The following ALG6 variants were observed in gnomAD, a reference collection of about 807,000 sequenced individuals.
ALG6 encodes dolichyl pyrophosphate Man9GlcNAc2 alpha-1,3-glucosyltransferase.
Under a neutral mutation model 66.6 loss-of-function variants are expected in ALG6, and 46 were observed. That is an observed-to-expected ratio of 0.69 (90% CI 0.55 to 0.88). The LOEUF (loss-of-function observed/expected upper bound fraction) is 0.88, where lower values mean the gene tolerates loss of function less well. Ranked by LOEUF, ALG6 falls within the 40% of genes least tolerant of loss-of-function variation. The pLI, the probability that ALG6 is intolerant of heterozygous loss-of-function variation, is 0.00. For synonymous variants in ALG6, 185 were observed against 203.7 expected, an observed-to-expected ratio of 0.91 and a Z score of 0.78; for missense variants, 505 against 586.8, an observed-to-expected ratio of 0.86 and a Z score of 1.44.
At chr1:63,419,596 T>C (rs1382033348) in intron 12 of ALG6, among the ~76,000 whole-genome samples, 156 bp downstream of exon 12, 1 of 152,212 alleles carries the variant, frequency 6.6e-6, no homozygotes, top group Non-Finnish European at 1.5e-5. Flanking sequence ...GAATTTTTGA[T>C]TTTCTTTATA....
rs370686062 is a variant in ALG6 at position 63,419,483 on chromosome 1, A to T, written c.1058+43A>T. ...AAATATGTGTTTATTTGTTTATAAT[A>T]TAACTTTATAATTTACATACAAATA... is the stretch of plus-strand genomic sequence containing the variant. On this transcript the variant is annotated intron_variant, in intron 12 of 14. Transcript: ENST00000263440. 6.0e-6 allele frequency: 8 copies of T among 1,335,912 alleles called. No individual in the cohort carries two copies. The African/African-American group carries it at 1.0e-4, about 17-fold the overall frequency. The allele number at this position is 1,335,912 out of a possible 1,614,324, so 82.8% of individuals were successfully genotyped here. A position where few individuals can be genotyped will look rare whatever the true frequency, so the allele number is the denominator to read the frequency against.
chr1:63,397,227 C>T (rs1168607137), intron 3 of ALG6, among the ~76,000 whole-genome samples: 2 of 151,900 alleles, frequency 1.3e-5, no homozygotes, highest in Admixed American at 6.6e-5. Context: ...ACTCTGTCGC[C>T]CAGGCTGGAG....
intron 3 of ALG6, among the ~76,000 whole-genome samples, chr1:63,398,460 G>A (rs1570054247): frequency 3.3e-5 from 5 of 152,184 alleles, no homozygotes; most frequent in Admixed American, 6.5e-5. Flanking sequence ...ATCTTCTAAT[G>A]TATTTATTGA....
At position 63,414,224 on chromosome 1, in the gene ALG6, G is replaced by T. The variant is rs894358837; in HGVS notation, c.902+78G>T. On this transcript the variant is annotated intron_variant, in intron 10 of 14. Transcript: ENST00000263440. Reference sequence around the variant, plus strand: ...ATTATGGTATTATTTCATTTATTTGGCATCATTAGGGAATGAGGTGTTTTT... The same window carrying T: ...ATTATGGTATTATTTCATTTATTTGTCATCATTAGGGAATGAGGTGTTTTT... The T allele has an allele frequency of 4.5e-6, 5 of 1,106,704 alleles. No homozygotes were observed. The African/African-American group carries it at 6.3e-5, about 14-fold the overall frequency. 68.6% of individuals were successfully genotyped at this position (1,106,704 alleles called of 1,614,324 possible).
intron 12 of ALG6, among the ~76,000 whole-genome samples, chr1:63,424,774 AT>A (rs146137714): frequency 0.022 from 2,536 of 113,984 alleles, 26 homozygotes; most frequent in African/African-American, 0.064. Flanking sequence ...TTTTGAGTTA[AT>A]TTTTTTTTTT....
Position 63,424,274 on chromosome 1 carries a change from G to A in ALG6, c.1059-4459G>A, listed in dbSNP as rs140291129. ...TCCTGCCTCAGCCTCCCGAGTAGCTGGGACTACAGGCGCGTGCCACCACAC... is the reference window on the plus strand; with the variant it reads ...TCCTGCCTCAGCCTCCCGAGTAGCTAGGACTACAGGCGCGTGCCACCACAC... On this transcript the variant is annotated intron_variant, in intron 12 of 14. Coordinates refer to ENST00000263440, the MANE Select transcript of ALG6 (RefSeq NM_013339.4). 9.6e-3 allele frequency among the ~76,000 whole-genome samples: 1,466 copies of A among 152,216 alleles called. 23 individuals carry two copies. Among genetic ancestry groups the A allele is most frequent in the African/African-American group, 0.033 (1,354 of 41,528 alleles).
chr1:63,416,097 A>G (rs1644544844), intron 11 of ALG6, 140 bp downstream of exon 11: 4 of 691,148 alleles, frequency 5.8e-6, no homozygotes, highest in Non-Finnish European at 1.0e-5. Flanking sequence ...GATGTTTCCC[A>G]TACTTAGCTT....
chr1:63,432,139 T>C (rs908399983), intron 14 of ALG6, among the ~76,000 whole-genome samples: 1 of 152,240 alleles, frequency 6.6e-6, no homozygotes, highest in African/African-American at 2.4e-5. Flanking sequence ...CTGTGGGCTT[T>C]TTAAAATAGA....
rs371707425 is a variant in ALG6, at chr1:63,419,665, TC to T, written c.1058+227del. Among the ~76,000 whole-genome samples, 18 of 152,328 alleles carry T rather than the reference TC, an allele frequency of 1.2e-4. No homozygotes were observed. In the South Asian group the frequency reaches 3.3e-3, roughly 28 times the overall value. The stretch of plus-strand genomic sequence containing the variant: ...TGTTATTGACATAATAGTAATTTCT[TC>T]CTGTTCCTTCACTTATATTTTCTAC... On this transcript the variant is annotated intron_variant, in intron 12 of 14. Coordinates refer to ENST00000263440, the MANE Select transcript of ALG6 (RefSeq NM_013339.4).
chr1:63,380,533 A>G (rs911718679), intron 2 of ALG6, among the ~76,000 whole-genome samples: 1 of 152,184 alleles, frequency 6.6e-6, no homozygotes, highest in African/African-American at 2.4e-5. Flanking sequence ...TTAGTTTGCA[A>G]TCTTTTTTCC....
chr1:63,421,052 T>C (rs1644570441), intron 12 of ALG6, among the ~76,000 whole-genome samples: 1 of 150,980 alleles, frequency 6.6e-6, no homozygotes, highest in Non-Finnish European at 1.5e-5. Context: ...GATAGACACT[T>C]ATTAAAAAAA....
chr1:63,411,069 T>A, intron 7 of ALG6, 77 bp from the exon 8 acceptor site: 2 of 1,451,318 alleles, frequency 1.4e-6, no homozygotes, highest in Admixed American at 3.5e-5. Context: ...CTAGAGCATA[T>A]CTCTTGTGTG....
rs761407734 is a variant in ALG6, at chr1:63,415,915, A to G, written c.945A>G (p.Lys315=). 3 of 1,612,258 alleles carry G rather than the reference A, an allele frequency of 1.9e-6. No individual in the cohort carries two copies. Among genetic ancestry groups the G allele is most frequent in the East Asian group, 4.5e-5 (2 of 44,720 alleles). Residue 315 remains lysine (K), a synonymous_variant, in exon 11 of 15, where the codon AAA becomes AAG. Coordinates refer to ENST00000263440, the MANE Select transcript of ALG6 (RefSeq NM_013339.4). ...TFLSLLPACI[K]LILQPSSKGF... is the part of the protein sequence containing the mutation. ...TGAGCCTGCTTCCTGCATGCATAAA[A>G]TTAATACTTCAGCCCTCTTCCAAAG...
chr1:63,368,384 A>G (rs928395423), intron 1 of ALG6, among the ~76,000 whole-genome samples: 5 of 152,164 alleles, frequency 3.3e-5, no homozygotes, highest in African/African-American at 9.7e-5. Flanking sequence ...CTTCTTGGGT[A>G]CCTGCCTTCT....
intron 2 of ALG6, among the ~76,000 whole-genome samples, chr1:63,377,224 G>A (rs573286886): frequency 6.6e-6 from 1 of 152,192 alleles, no homozygotes; most frequent in Non-Finnish European, 1.5e-5. Context: ...GCCTCCCAAA[G>A]TGGTGGTATT....
chr1:63,405,179 A>T (rs1029485395), intron 5 of ALG6, among the ~76,000 whole-genome samples: 4 of 152,098 alleles, frequency 2.6e-5, no homozygotes, highest in Admixed American at 1.3e-4. Flanking sequence ...TCATCCAGTC[A>T]TGGAATCTTA....
intron 2 of ALG6, among the ~76,000 whole-genome samples, chr1:63,390,464 G>A (rs1648636666): frequency 6.6e-6 from 1 of 152,156 alleles, no homozygotes; most frequent in Non-Finnish European, 1.5e-5. Flanking sequence ...ACTGCCTGGG[G>A]TTGAGGGAGG....
chr1:63,435,400 G>A (rs1271885302), intron 14 of ALG6, among the ~76,000 whole-genome samples: 1 of 152,148 alleles, frequency 6.6e-6, no homozygotes, highest in Non-Finnish European at 1.5e-5. Context: ...GGCAGCCTTT[G>A]TTTGTATCTG....
chr1:63,370,746 T>C (rs1647895108), intron 1 of ALG6, 25 bp from the exon 2 acceptor site: 1 of 544,548 alleles, frequency 1.8e-6, no homozygotes, highest in Non-Finnish European at 3.3e-6. Context: ...CAGCTGAATC[T>C]TGATATCTTT....
Sources: allele counts gnomAD v4.1 joint callset (sites outside exome capture counted in the v4.1 genomes callset), GRCh38; gene constraint gnomAD v4.1.1; transcripts MANE v1.5; gene names NCBI Gene and HGNC (gene_info 2026-07-23, HGNC 2026-07-21).